The following NMNAT1 variants were observed in gnomAD, a reference collection of about 807,000 sequenced individuals.
NMNAT1 encodes nicotinamide/nicotinic acid mononucleotide adenylyltransferase 1.
A neutral mutation model predicts 16.7 loss-of-function variants in NMNAT1; 11 were observed. The observed-to-expected ratio is 0.66, with a 90% CI of 0.41 to 1.09. The LOEUF (loss-of-function observed/expected upper bound fraction) is 1.09. Among genes scored for constraint, NMNAT1 ranks in the 50% least tolerant of loss-of-function variants. The pLI is 0.00. For synonymous variants in NMNAT1, 110 were observed against 119.8 expected (o/e 0.92, Z 0.53); for missense variants, 280 against 332.3 (o/e 0.84, Z 1.22).
At chr1:9,961,190 A>G (rs1023929706) in intron 1 of NMNAT1, among the ~76,000 whole-genome samples, 1 of 152,188 alleles carries the variant, frequency 6.6e-6, no homozygotes, top group African/African-American at 2.4e-5. Context: ...CTTGGGCATC[A>G]CCTGGAAACC....
In NMNAT1 at chr1:9,972,369, G is replaced by A. The variant is rs912791950; in HGVS notation, c.115+181G>A. ...ACTAAAAAATACGAAAATTCACTGT[G>A]CCTGTAGTCCTAGCTACTCGGGAGG... On this transcript the variant is annotated intron_variant, in intron 2 of 4. Coordinates refer to ENST00000377205, the MANE Select transcript of NMNAT1 (RefSeq NM_022787.4). 1.5e-4 allele frequency: 71 copies of A among 484,526 alleles called. No individual in the cohort carries two copies. In the East Asian group the frequency reaches 2.0e-3, roughly 13 times the overall value. The allele number at this position is 484,526 out of a possible 1,614,324, so 30.0% of individuals were successfully genotyped here.
At chr1:9,967,617 TGAATA>T (rs1343158940) in intron 1 of NMNAT1, among the ~76,000 whole-genome samples, 1 of 151,912 alleles carries the variant, frequency 6.6e-6, no homozygotes, top group African/African-American at 2.4e-5. Flanking sequence ...AAAAACAGAT[TGAATA>T]GAATAGCAAT....
the NMNAT1 span, among the ~76,000 whole-genome samples, chr1:9,994,195 C>T: frequency 6.9e-6 from 1 of 143,912 alleles, no homozygotes; most frequent in African/African-American, 2.6e-5. Context: ...ACTGCAACCT[C>T]TGCCTCCCGG....
intron 1 of NMNAT1, among the ~76,000 whole-genome samples, chr1:9,969,900 T>G (rs1054471648): frequency 6.6e-6 from 1 of 152,226 alleles, no homozygotes; most frequent in South Asian, 2.1e-4. Context: ...CTCAGCATGA[T>G]GGATAGAAAC....
At chr1:9,955,403 C>CAGA (rs1641233408) in intron 1 of NMNAT1, among the ~76,000 whole-genome samples, 1 of 90,822 alleles carries the variant, frequency 1.1e-5, no homozygotes, top group Non-Finnish European at 2.0e-5. Context: ...GACTTTGTCT[C>CAGA]AAAAAAAAAA....
At chr1:9,957,111 C>T (rs1641281246) in intron 1 of NMNAT1, among the ~76,000 whole-genome samples, 1 of 152,148 alleles carries the variant, frequency 6.6e-6, no homozygotes, top group Admixed American at 6.6e-5. Flanking sequence ...CTCACTGCAA[C>T]CTCTGCCTCC....
the NMNAT1 span, among the ~76,000 whole-genome samples, chr1:9,996,009 G>C: frequency 1.4e-5 from 2 of 148,126 alleles, no homozygotes; most frequent in East Asian, 4.1e-4. Flanking sequence ...AGCCCGGGGC[G>C]ATAGAGTGAG....
In NMNAT1 at chr1:9,982,889, C is replaced by T. The variant is rs1400056886; in HGVS notation, c.*188C>T. 2.1e-5 allele frequency: 11 copies of T among 534,992 alleles called. No homozygotes were observed. The Middle Eastern group carries it at 1.4e-3, about 67-fold the overall frequency. The allele number at this position is 534,992 out of a possible 1,614,324, so 33.1% of individuals were successfully genotyped here. A position where few individuals can be genotyped will look rare whatever the true frequency, so the allele number is the denominator to read the frequency against. ...TTGGGAGGCTGAGGCAGGTGGATCA[C>T]GGGGTCAAGAGATCGAGACCATCCT... On this transcript the variant is annotated 3_prime_UTR_variant, in exon 5 of 5. Transcript: ENST00000377205.
At chr1:9,959,162 G>A (rs1338187188) in intron 1 of NMNAT1, among the ~76,000 whole-genome samples, 1 of 152,030 alleles carries the variant, frequency 6.6e-6, no homozygotes, top group Admixed American at 6.6e-5. Flanking sequence ...ACCTGAGATC[G>A]GGAGTTTGAG....
chr1:9,958,182 T>G (rs187308663), intron 1 of NMNAT1, among the ~76,000 whole-genome samples: 177 of 152,226 alleles, frequency 1.2e-3, no homozygotes, highest in Admixed American at 1.9e-3. Context: ...ACATTACTCG[T>G]TTAGTGATGA....
chr1:9,990,570 T>C, the NMNAT1 span, among the ~76,000 whole-genome samples: 4 of 152,240 alleles, frequency 2.6e-5, no homozygotes, highest in African/African-American at 9.6e-5. Flanking sequence ...AATCCAGGTC[T>C]ACCTTCAGGA....
intron 4 of NMNAT1, chr1:9,981,742 G>A (rs1641953396): frequency 6.5e-6 from 1 of 153,728 alleles, no homozygotes; most frequent in African/African-American, 2.4e-5. Flanking sequence ...TGAAGTGAAG[G>A]AGAATAAAAG....
intron 2 of NMNAT1, 106 bp downstream of exon 2, chr1:9,972,294 A>G (rs1243282824): frequency 1.2e-5 from 8 of 684,194 alleles, no homozygotes; most frequent in Non-Finnish European, 2.1e-5. Flanking sequence ...GCAGATCACA[A>G]GGTCAAGAGA....
intron 4 of NMNAT1, 83 bp downstream of exon 4, chr1:9,981,253 T>A: frequency 6.8e-7 from 1 of 1,462,434 alleles, no homozygotes; most frequent in Non-Finnish European, 9.2e-7. Flanking sequence ...TTTTTTTTTT[T>A]AGATGGAGTC....
rs926016638 is a variant in NMNAT1 at position 9,982,825 on chromosome 1, C to T, written c.*124C>T. The T allele has an allele frequency of 4.0e-5, 43 of 1,081,158 alleles. No individual in the cohort carries two copies. Among genetic ancestry groups the T allele is most frequent in the Non-Finnish European group, 5.3e-5 (41 of 767,354 alleles). The allele number at this position is 1,081,158 out of a possible 1,614,324, so 67.0% of individuals were successfully genotyped here. A position where few individuals can be genotyped will look rare whatever the true frequency, so the allele number is the denominator to read the frequency against. On this transcript the variant is annotated 3_prime_UTR_variant, in exon 5 of 5. Coordinates refer to ENST00000377205, the MANE Select transcript of NMNAT1 (RefSeq NM_022787.4). ...TAAAGCTTAAAAGTTTAGTAAAAATCGTCTGGGCACAGTGGCTCACGCCTG... is the reference window on the plus strand; with the variant it reads ...TAAAGCTTAAAAGTTTAGTAAAAATTGTCTGGGCACAGTGGCTCACGCCTG...
chr1:9,980,484 G>C lies in NMNAT1; in HGVS notation c.300-547G>C, dbSNP rs192869077. ...AAATACAAAAAAAAATTGGCTGAGC[G>C]TGGTGGTGCGCCCCTGTAATCCCAG... On this transcript the variant is annotated intron_variant, in intron 3 of 4. Coordinates refer to ENST00000377205, the MANE Select transcript of NMNAT1 (RefSeq NM_022787.4). 7.4e-4 allele frequency among the ~76,000 whole-genome samples: 111 copies of C among 150,714 alleles called. 2 individuals are homozygous for C. The highest frequency in any genetic ancestry group is 4.7e-3 in the South Asian group (22 of 4,690).
chr1:9,973,291 T>C lies in NMNAT1; in HGVS notation c.115+1103T>C, dbSNP rs994351512. On this transcript the variant is annotated intron_variant, in intron 2 of 4. Coordinates refer to ENST00000377205, the MANE Select transcript of NMNAT1 (RefSeq NM_022787.4). ...GCCACCACGCCCGGCTAATTTTTTATATTTTTAGTAGCGACGGGGTTTCTC... is the reference window on the plus strand; with the variant it reads ...GCCACCACGCCCGGCTAATTTTTTACATTTTTAGTAGCGACGGGGTTTCTC... Among the ~76,000 whole-genome samples, 8 of 152,180 alleles carry C rather than the reference T, an allele frequency of 5.3e-5. No individual in the cohort carries two copies. In the East Asian group the frequency reaches 1.4e-3, roughly 26 times the overall value.
intron 3 of NMNAT1, among the ~76,000 whole-genome samples, chr1:9,978,682 C>A (rs893885332): frequency 6.6e-6 from 1 of 152,196 alleles, no homozygotes. Flanking sequence ...TTATAGTAAC[C>A]TTATTGCCCA....
intron 1 of NMNAT1, among the ~76,000 whole-genome samples, chr1:9,950,344 G>A (rs998614316): frequency 2.6e-5 from 4 of 152,162 alleles, no homozygotes; most frequent in Non-Finnish European, 4.4e-5. Flanking sequence ...GCCCGCCTTG[G>A]CCTCCCAAAG....
Sources: gnomAD v4.1 joint callset for allele counts (sites outside exome capture counted in the v4.1 genomes callset) on GRCh38, gnomAD v4.1.1 for gene constraint, MANE v1.5 for transcripts, NCBI Gene and HGNC (gene_info 2026-07-23, HGNC 2026-07-21) for gene names.